Variants in SLC9A1 observed in about 807,000 individuals in gnomAD.
SLC9A1 encodes sodium/hydrogen exchanger 1.
Under a neutral mutation model 67.9 loss-of-function variants are expected in SLC9A1, and 22 were observed. That is an observed-to-expected ratio of 0.32 (90% CI 0.23 to 0.46). SLC9A1 has a LOEUF of 0.46. Ranked by LOEUF, SLC9A1 falls within the 20% of genes least tolerant of loss-of-function variation. The pLI is 1.00. For missense variants in SLC9A1, 686 were observed against 1,094.8 expected (o/e 0.63, Z 5.27); for synonymous variants, 421 against 471.8 (o/e 0.89, Z 1.40).
At position 27,133,729 on chromosome 1, in the gene SLC9A1, G is replaced by A. The variant is rs1570876584; in HGVS notation, c.353-19443C>T. Reference sequence around the variant, plus strand: ...TACTTCACTGCCTGGAAGTCCCTCAGCTAGGGAAGGGGAGAGAAGAACTGG... The same window carrying A: ...TACTTCACTGCCTGGAAGTCCCTCAACTAGGGAAGGGGAGAGAAGAACTGG... On this transcript the variant is annotated intron_variant, in intron 1 of 11. Transcript: ENST00000263980. Among the ~76,000 whole-genome samples the A allele has an allele frequency of 3.3e-5, 5 of 151,796 alleles. No individual in the cohort carries two copies. In the South Asian group the frequency reaches 1.0e-3, roughly 32 times the overall value.
chr1:27,119,042 AACACAC>A (rs35231148), intron 1 of SLC9A1, among the ~76,000 whole-genome samples: 2,562 of 139,222 alleles, frequency 0.018, 21 homozygotes, highest in Non-Finnish European at 0.024. Context: ...AGCTGGAACG[AACACAC>A]ACACACACAC....
chr1:27,101,006 C>T lies in SLC9A1; in HGVS notation c.2110+197G>A, dbSNP rs554076679. On this transcript the variant is annotated intron_variant, in intron 11 of 11. Coordinates refer to ENST00000263980, the MANE Select transcript of SLC9A1 (RefSeq NM_003047.5). This position sits in a 1 kb window ranked among gnomAD's most constrained non-coding sequence, Gnocchi z 4.9. ...ACCGTGGCTCTCCCAGCTCCCCACA[C>T]AGTCCTCGCCCGGAACGTCTCTCTC... Among the ~76,000 whole-genome samples the T allele has an allele frequency of 1.1e-4, 17 of 152,354 alleles. No homozygotes were observed. Among genetic ancestry groups the T allele is most frequent in the African/African-American group, 3.1e-4 (13 of 41,592 alleles).
At chr1:27,123,548 G>T (rs957348644) in intron 1 of SLC9A1, among the ~76,000 whole-genome samples, 2 of 151,854 alleles carry the variant, frequency 1.3e-5, no homozygotes, top group East Asian at 1.9e-4. Flanking sequence ...TGTCACCCAG[G>T]CTGGAGTGTT....
At chr1:27,111,215 T>G (rs2083225555) in intron 2 of SLC9A1, among the ~76,000 whole-genome samples, 1 of 152,034 alleles carries the variant, frequency 6.6e-6, no homozygotes, top group Non-Finnish European at 1.5e-5. Context: ...CTAAACTCAT[T>G]CCTGGCCTGA....
At position 27,102,140 on chromosome 1, in the gene SLC9A1, T is replaced by C. The variant is rs767234640; in HGVS notation, c.1821-10A>G. On this transcript the variant is annotated splice_polypyrimidine_tract_variant and intron_variant, in intron 8 of 11. Transcript: ENST00000263980. ...CTTGGGGTGGATGTTCCTGGGGCAA[T>C]AGGGCATCGGTTAGGTCCCCAAGAT... The C allele has an allele frequency of 9.4e-6, 15 of 1,602,330 alleles. No homozygotes were observed. The highest frequency in any genetic ancestry group is 1.7e-4 in the Middle Eastern group (1 of 6,036).
At chr1:27,143,485 G>A (rs1054416614) in intron 1 of SLC9A1, among the ~76,000 whole-genome samples, 3 of 152,130 alleles carry the variant, frequency 2.0e-5, no homozygotes, top group Non-Finnish European at 4.4e-5. Context: ...AGAGATGACC[G>A]TGATCTGTAC....
intron 1 of SLC9A1, among the ~76,000 whole-genome samples, chr1:27,136,994 G>A (rs924322425): frequency 2.0e-5 from 3 of 152,214 alleles, no homozygotes; most frequent in Non-Finnish European, 2.9e-5. Context: ...TTTGGGCCTC[G>A]TTGCCATTCC....
At chr1:27,115,736 A>G (rs1440780824) in intron 1 of SLC9A1, among the ~76,000 whole-genome samples, 1 of 140,286 alleles carries the variant, frequency 7.1e-6, no homozygotes, top group Non-Finnish European at 1.6e-5. Flanking sequence ...GCCCAGCCTC[A>G]AAAAAAAAAA....
rs2083187199 is a variant in SLC9A1, at chr1:27,106,706, C to G, written c.1283-619G>C. Among the ~76,000 whole-genome samples the G allele has an allele frequency of 6.6e-6, 1 of 152,012 alleles. No individual in the cohort carries two copies. Among genetic ancestry groups the G allele is most frequent in the South Asian group, 2.1e-4 (1 of 4,826 alleles). ...GCACATGTGAGTGGAACCCATGCAC[C>G]TGGGGCCTGGTCCCCACGTGTGCCC... On this transcript the variant is annotated intron_variant, in intron 4 of 11. Transcript: ENST00000263980. This position sits in a 1 kb window ranked among gnomAD's most constrained non-coding sequence, Gnocchi z 4.3.
At chr1:27,126,510 C>T (rs988151612) in intron 1 of SLC9A1, among the ~76,000 whole-genome samples, 1 of 152,172 alleles carries the variant, frequency 6.6e-6, no homozygotes, top group African/African-American at 2.4e-5. Flanking sequence ...TTCCTAAATA[C>T]CCCAGGGAGC....
chr1:27,101,879 G>T lies in SLC9A1; in HGVS notation c.1936-53C>A. 1 of 1,483,824 alleles carries T rather than the reference G, an allele frequency of 6.7e-7. No individual in the cohort carries two copies. Among genetic ancestry groups the T allele is most frequent in the Non-Finnish European group, 9.4e-7 (1 of 1,065,634 alleles). The allele number at this position is 1,483,824 out of a possible 1,614,324, so 91.9% of individuals were successfully genotyped here. ...GCGGGCCCCGGAAGGCTCTGCTCAT[G>T]GAGGGGTGGGGGCAGTGCTGGAGGC... is the stretch of plus-strand genomic sequence containing the variant. On this transcript the variant is annotated intron_variant, in intron 9 of 11. Transcript: ENST00000263980. The surrounding 1 kb of genome is among the most constrained non-coding windows in gnomAD (Gnocchi z 4.9).
intron 5 of SLC9A1, 67 bp from the exon 6 acceptor site, chr1:27,103,379 C>A: frequency 9.0e-7 from 1 of 1,106,260 alleles, no homozygotes; most frequent in South Asian, 1.2e-5. Context: ...CAGAGCCTCC[C>A]TCCCTCACCC....
In SLC9A1 at chr1:27,105,841, T is replaced by C. The variant is rs766622442; in HGVS notation, c.1485+44A>G. On this transcript the variant is annotated intron_variant, in intron 5 of 11. Coordinates refer to ENST00000263980, the MANE Select transcript of SLC9A1 (RefSeq NM_003047.5). ...CCTCTCTTTCCACGGGAACAGCCTG[T>C]GAGGGTCCCCAAGGCAAGGGCCTGC... 17 of 1,512,524 alleles carry C rather than the reference T, an allele frequency of 1.1e-5. No homozygotes were observed. The East Asian group carries it at 3.4e-4, about 30-fold the overall frequency. 93.7% of individuals were successfully genotyped at this position (1,512,524 alleles called of 1,614,324 possible).
At chr1:27,132,597 G>C (rs2083393420) in intron 1 of SLC9A1, among the ~76,000 whole-genome samples, 1 of 152,160 alleles carries the variant, frequency 6.6e-6, no homozygotes, top group African/African-American at 2.4e-5. Context: ...AAATGATGAA[G>C]GCAGAGAGCC....
intron 1 of SLC9A1, among the ~76,000 whole-genome samples, chr1:27,147,232 G>A (rs530832925): frequency 3.4e-5 from 5 of 145,578 alleles, no homozygotes; most frequent in Non-Finnish European, 6.0e-5. Flanking sequence ...CCCGGGAGGC[G>A]GAGGTTGCAG....
intron 2 of SLC9A1, among the ~76,000 whole-genome samples, chr1:27,112,779 G>A (rs1276188177): frequency 1.3e-5 from 2 of 151,918 alleles, no homozygotes; most frequent in Non-Finnish European, 2.9e-5. Context: ...AGCTACTTGG[G>A]AGGCTGAGGC....
chr1:27,102,635 C>T lies in SLC9A1; in HGVS notation c.1646+38G>A, dbSNP rs375494388. The T allele has an allele frequency of 2.9e-5, 47 of 1,612,382 alleles. 1 individual carries two copies. Among genetic ancestry groups the T allele is most frequent in the Non-Finnish European group, 3.8e-5 (45 of 1,179,296 alleles). On this transcript the variant is annotated intron_variant, in intron 7 of 11. Transcript: ENST00000263980. ...ATGCCCAGGCCCAGGAGACCCTTGCCTGCCCCTCCCTGCCTGCCCACCAGG... is the reference window on the plus strand; with the variant it reads ...ATGCCCAGGCCCAGGAGACCCTTGCTTGCCCCTCCCTGCCTGCCCACCAGG...
chr1:27,108,483 G>C (rs2083205581), intron 3 of SLC9A1, among the ~76,000 whole-genome samples: 1 of 152,062 alleles, frequency 6.6e-6, no homozygotes, highest in South Asian at 2.1e-4. Context: ...TTCGAGACCA[G>C]CTTGGCCAAT....
At chr1:27,153,089 G>A (rs1168769094) in intron 1 of SLC9A1, among the ~76,000 whole-genome samples, 2 of 152,166 alleles carry the variant, frequency 1.3e-5, no homozygotes, top group Non-Finnish European at 2.9e-5. Context: ...TACTCTGAGA[G>A]CAAATAAGTT....
Sources: gnomAD v4.1 joint callset for allele counts (sites outside exome capture counted in the v4.1 genomes callset) on GRCh38, gnomAD v4.1.1 for gene constraint, Gnocchi (gnomAD v3.1) non-coding constraint, MANE v1.5 for transcripts, NCBI Gene and HGNC (gene_info 2026-07-23, HGNC 2026-07-21) for gene names.